Variants in ZNF423 observed in about 807,000 individuals in gnomAD.
The protein encoded by ZNF423 is Ebf-associated zinc finger protein.
ZNF423 carries 12 observed loss-of-function variants against 95.8 expected under a neutral mutation model. The observed-to-expected ratio is 0.13, with a 90% CI of 0.08 to 0.20. The LOEUF is 0.20. ZNF423 is among the 10% of genes least tolerant of loss of function. ZNF423 has a pLI of 1.00. For missense variants in ZNF423, 1,316 were observed against 1,737.1 expected, an observed-to-expected ratio of 0.76 and a Z score of 4.31; for synonymous variants, 749 against 711.9, an observed-to-expected ratio of 1.05 and a Z score of -0.83.
intron 7 of ZNF423, among the ~76,000 whole-genome samples, chr16:49,504,077 T>G (rs1267096043): frequency 1.3e-5 from 2 of 152,114 alleles, no homozygotes; most frequent in African/African-American, 4.8e-5. Flanking sequence ...AGTGGAACAG[T>G]GGCTGCTGGG....
chr16:49,857,710 C>T (rs934390521), upstream of ZNF423: 2 of 152,394 alleles, frequency 1.3e-5, no homozygotes, highest in South Asian at 2.1e-4. The surrounding 1 kb of genome is among the most constrained non-coding windows in gnomAD (Gnocchi z 6.2). Context: ...GTGTGCACTT[C>T]CTCTGTCCGA....
intron 5 of ZNF423, among the ~76,000 whole-genome samples, chr16:49,583,597 A>G (rs1970738125): frequency 6.6e-6 from 1 of 152,168 alleles, no homozygotes; most frequent in Non-Finnish European, 1.5e-5. Flanking sequence ...ACACACACAT[A>G]TATATATACA....
chr16:49,668,588 C>T (rs2030651889), intron 3 of ZNF423, among the ~76,000 whole-genome samples: 1 of 152,208 alleles, frequency 6.6e-6, no homozygotes, highest in Non-Finnish European at 1.5e-5. Flanking sequence ...AAGCTGACCC[C>T]TGGTATGCCT....
At chr16:49,713,624 A>G (rs915361337) in intron 3 of ZNF423, among the ~76,000 whole-genome samples, 2 of 152,100 alleles carry the variant, frequency 1.3e-5, no homozygotes, top group Admixed American at 6.5e-5. Context: ...GCTTCTGCAA[A>G]TGGGCCCTTT....
intron 7 of ZNF423, among the ~76,000 whole-genome samples, chr16:49,510,770 C>T (rs1967856685): frequency 6.6e-6 from 1 of 152,130 alleles, no homozygotes; most frequent in Non-Finnish European, 1.5e-5. Flanking sequence ...GGCGCCGCCA[C>T]TCGCAGTGTT....
intron 7 of ZNF423, among the ~76,000 whole-genome samples, chr16:49,505,275 GA>G: frequency 6.6e-6 from 1 of 152,284 alleles, no homozygotes; most frequent in South Asian, 2.1e-4. Context: ...TAATTATACA[GA>G]ACACATATGT....
At chr16:49,590,383 G>C (rs1028697565) in intron 5 of ZNF423, among the ~76,000 whole-genome samples, 1 of 152,014 alleles carries the variant, frequency 6.6e-6, no homozygotes, top group East Asian at 1.9e-4. Flanking sequence ...CACTCACACC[G>C]GCCACGTTTT....
At chr16:49,580,407 C>A (rs1203171818) in intron 5 of ZNF423, among the ~76,000 whole-genome samples, 1 of 152,184 alleles carries the variant, frequency 6.6e-6, no homozygotes, top group African/African-American at 2.4e-5. Context: ...CTGGCTTTCC[C>A]ATCAACACAG....
At chr16:49,687,586 G>C (rs112984394) in intron 3 of ZNF423, among the ~76,000 whole-genome samples, 39 of 152,160 alleles carry the variant, frequency 2.6e-4, no homozygotes, top group Non-Finnish European at 4.9e-4. Flanking sequence ...TGAAAGAAAG[G>C]CAGGAACAAT....
At chr16:49,595,390 C>A (rs189380046) in intron 5 of ZNF423, among the ~76,000 whole-genome samples, 216 of 152,334 alleles carry the variant, frequency 1.4e-3, no homozygotes, top group Non-Finnish European at 1.7e-3. Flanking sequence ...AGCCCCTGAT[C>A]CTGCCTGAAC....
intron 1 of ZNF423, among the ~76,000 whole-genome samples, chr16:49,820,068 G>A (rs1360429359): frequency 2.7e-5 from 4 of 149,712 alleles, no homozygotes; most frequent in Admixed American, 1.3e-4. Context: ...ATGGATGGAT[G>A]GATGCATGGA....
chr16:49,848,030 G>T (rs1229848477), intron 1 of ZNF423, among the ~76,000 whole-genome samples: 3 of 152,040 alleles, frequency 2.0e-5, no homozygotes, highest in Non-Finnish European at 2.9e-5. Context: ...CTTGAGCCCA[G>T]GAGTTCAAGG....
intron 5 of ZNF423, among the ~76,000 whole-genome samples, chr16:49,532,613 G>T (rs1968893483): frequency 6.6e-6 from 1 of 152,196 alleles, no homozygotes; most frequent in Admixed American, 6.5e-5. Flanking sequence ...GTTTTGAAAG[G>T]CTTGGGATTG....
chr16:49,774,664 T>C (rs948513637), intron 2 of ZNF423, among the ~76,000 whole-genome samples: 9 of 151,802 alleles, frequency 5.9e-5, no homozygotes, highest in African/African-American at 2.2e-4. Context: ...AAGCAACAGG[T>C]GGGTGGGCTC....
intron 2 of ZNF423, among the ~76,000 whole-genome samples, chr16:49,754,373 T>C (rs2033687266): frequency 6.6e-6 from 1 of 152,190 alleles, no homozygotes; most frequent in Non-Finnish European, 1.5e-5. Flanking sequence ...TTCTCAATAA[T>C]GTTTGTTTAA....
At chr16:49,827,306 T>A (rs2035015079) in intron 1 of ZNF423, among the ~76,000 whole-genome samples, 1 of 151,808 alleles carries the variant, frequency 6.6e-6, no homozygotes, top group Non-Finnish European at 1.5e-5. Flanking sequence ...CCACCCCTCA[T>A]CCTTCCTTGT....
intron 3 of ZNF423, among the ~76,000 whole-genome samples, chr16:49,656,384 G>T (rs1412929136): frequency 6.6e-6 from 1 of 152,018 alleles, no homozygotes; most frequent in Non-Finnish European, 1.5e-5. Context: ...GGTGGTGCAC[G>T]CCTGTAACCC....
intron 2 of ZNF423, among the ~76,000 whole-genome samples, chr16:49,738,156 T>C (rs1028305381): frequency 6.6e-5 from 10 of 152,210 alleles, no homozygotes; most frequent in African/African-American, 2.4e-4. Context: ...GTGCCAGGCA[T>C]AACACATGCA....
At chr16:49,528,268 T>A (rs1968696069) in intron 5 of ZNF423, among the ~76,000 whole-genome samples, 1 of 151,756 alleles carries the variant, frequency 6.6e-6, no homozygotes. Flanking sequence ...GTTCTCCGAG[T>A]GCCGAGCAAT....
Sources: gnomAD v4.1 joint callset for allele counts (sites outside exome capture counted in the v4.1 genomes callset) on GRCh38, gnomAD v4.1.1 for gene constraint, Gnocchi (gnomAD v3.1) non-coding constraint, MANE v1.5 for transcripts, NCBI Gene and HGNC (gene_info 2026-07-23, HGNC 2026-07-21) for gene names.